ZNF688: variants seen among roughly 807,000 people sequenced by gnomAD.
The protein encoded by ZNF688 is zinc finger protein 688.
A neutral mutation model predicts 13.2 loss-of-function variants in ZNF688; 10 were observed. The observed-to-expected ratio is 0.76, with a 90% CI of 0.47 to 1.28. The LOEUF (loss-of-function observed/expected upper bound fraction) is 1.28, where lower values mean the gene tolerates loss of function less well. Among genes scored for constraint, ZNF688 ranks in the 50% most tolerant of loss-of-function variants. ZNF688 has a pLI of 0.00. For synonymous variants in ZNF688, 160 were observed against 159.4 expected, an observed-to-expected ratio of 1.00 and a Z score of -0.03; for missense variants, 381 against 391.4, an observed-to-expected ratio of 0.97 and a Z score of 0.22.
the ZNF688 span, chr16:30,579,809 CCTTCAAAAGTTTCCT>C: frequency 1.7e-4 from 76 of 456,058 alleles, no homozygotes; most frequent in African/African-American, 1.5e-3. Flanking sequence ...TTTGTTCATT[CCTTCAAAAGTTTCCT>C]CTTCAAAAGT....
chr16:30,573,662 AGTG>A (rs2051719072), upstream of ZNF688: 1 of 165,342 alleles, frequency 6.0e-6, no homozygotes, highest in Non-Finnish European at 1.3e-5. Context: ...TTTATTCAAT[AGTG>A]TTTTTTATTG....
chr16:30,571,662 G>A lies in ZNF688; in HGVS notation c.-33C>T, dbSNP rs1057012247. ...CGCAGCCCCGATCGGCGGCCGCCAG[G>A]TCCCTGGAGCCGCCGCCTCCCCGCT... On this transcript the variant is annotated 5_prime_UTR_variant, in exon 1 of 3. Transcript: ENST00000223459. The A allele has an allele frequency of 1.1e-5, 15 of 1,367,862 alleles. No homozygotes were observed. The African/African-American group carries it at 1.4e-4, about 13-fold the overall frequency. 84.7% of individuals were successfully genotyped at this position (1,367,862 alleles called of 1,614,324 possible). A position where few individuals can be genotyped will look rare whatever the true frequency, so the allele number is the denominator to read the frequency against.
upstream of ZNF688, among the ~76,000 whole-genome samples, chr16:30,576,332 C>T (rs2051747648): frequency 1.3e-5 from 2 of 152,370 alleles, no homozygotes; most frequent in South Asian, 4.1e-4. Flanking sequence ...CCGCCTCAGC[C>T]TCTGGAGTAG....
chr16:30,573,613 T>G (rs1416282708), upstream of ZNF688: 1 of 160,938 alleles, frequency 6.2e-6, no homozygotes, highest in Non-Finnish European at 1.3e-5. Flanking sequence ...ATCTACTTGC[T>G]TGGCTCCCCT....
At chr16:30,576,470 A>G (rs1421958773), upstream of ZNF688, among the ~76,000 whole-genome samples, 1 of 152,120 alleles carries the variant, frequency 6.6e-6, no homozygotes, top group East Asian at 1.9e-4. Flanking sequence ...TCGGCCTCCC[A>G]AAGTGCTGGG....
rs766999646 is a variant in ZNF688, at chr16:30,571,610, G to C, written c.20C>G (p.Pro7Arg). The change falls in exon 1 of 3, where the codon CCG (proline) becomes CGG (arginine). Residue 7 changes from proline to arginine, a missense_variant. By Grantham distance (103) the Pro-to-Arg change is moderately radical (BLOSUM62 -2). Coordinates refer to ENST00000223459, the MANE Select transcript of ZNF688 (RefSeq NM_145271.4). Reference sequence around the variant, plus strand: ...CTCCCCGGGCCTCGGCGCCAGGAGCGGGGCTGGGGGCGGCGCCATGGGGCC... The same window carrying C: ...CTCCCCGGGCCTCGGCGCCAGGAGCCGGGCTGGGGGCGGCGCCATGGGGCC... MAPPPA[P>R]LLAPRPGETR... The C allele has an allele frequency of 3.4e-6, 5 of 1,491,930 alleles. No homozygotes were observed. In the East Asian group the frequency reaches 8.0e-5, roughly 24 times the overall value. 92.4% of individuals were successfully genotyped at this position (1,491,930 alleles called of 1,614,324 possible). A position where few individuals can be genotyped will look rare whatever the true frequency, so the allele number is the denominator to read the frequency against.
At chr16:30,578,893 T>C in the ZNF688 span, 1 of 149,614 alleles carries the variant, frequency 6.7e-6, no homozygotes, top group African/African-American at 2.5e-5. Flanking sequence ...CATAGCTCAC[T>C]ATAGCCTCAA....
the ZNF688 span, chr16:30,578,338 A>ATTTC: frequency 6.6e-6 from 1 of 152,350 alleles, no homozygotes; most frequent in African/African-American, 2.4e-5. Flanking sequence ...GTCTCAAGAA[A>ATTTC]TAACAAGAAC....
At chr16:30,578,445 C>T in the ZNF688 span, 1 of 152,214 alleles carries the variant, frequency 6.6e-6, no homozygotes, top group Non-Finnish European at 1.5e-5. Flanking sequence ...AGTCACACAA[C>T]ATACAGGAGA....
chr16:30,578,406 T>G, the ZNF688 span: 7 of 152,246 alleles, frequency 4.6e-5, no homozygotes, highest in Non-Finnish European at 8.8e-5. Context: ...AAATGTTTCT[T>G]CAAGACTCTT....
At chr16:30,576,447 T>C (rs1474970502), upstream of ZNF688, among the ~76,000 whole-genome samples, 1 of 152,120 alleles carries the variant, frequency 6.6e-6, no homozygotes. Context: ...CCTGACCTCA[T>C]GATCCACCCA....
upstream of ZNF688, among the ~76,000 whole-genome samples, chr16:30,575,143 C>T (rs115996973): frequency 4.2e-3 from 632 of 152,248 alleles, 2 homozygotes; most frequent in African/African-American, 0.014. Flanking sequence ...ATTGTAAACA[C>T]GGCTCTACAG....
Position 30,569,840 on chromosome 16 carries a change from C to T in ZNF688, c.*76G>A, listed in dbSNP as rs1296441515. 1.0e-5 allele frequency: 15 copies of T among 1,474,462 alleles called. No individual in the cohort carries two copies. The highest frequency in any genetic ancestry group is 4.8e-5 in the East Asian group (2 of 41,612). 91.3% of individuals were successfully genotyped at this position (1,474,462 alleles called of 1,614,324 possible). On this transcript the variant is annotated 3_prime_UTR_variant, in exon 3 of 3. Transcript: ENST00000223459. ...GCATGAATTTCAGTTCCGGAGTCCC[C>T]GACTCAGTGGCCCACCTCAGGGATC...
intron 2 of ZNF688, chr16:30,570,669 T>C (rs908452803): frequency 1.8e-5 from 9 of 499,928 alleles, no homozygotes; most frequent in African/African-American, 1.8e-4. Flanking sequence ...GTTACTGGTT[T>C]AGCTGAGTAG....
chr16:30,572,041 T>G (rs1029371269), upstream of ZNF688: 17 of 1,415,494 alleles, frequency 1.2e-5, no homozygotes, highest in Admixed American at 1.9e-4. Context: ...CTTTTTCTAG[T>G]GGGGGAGGCG....
rs375194942 is a variant in ZNF688, at chr16:30,570,298, C to A, written c.449G>T (p.Arg150Leu). The A allele has an allele frequency of 1.5e-5, 25 of 1,613,868 alleles. No homozygotes were observed. Among genetic ancestry groups the A allele is most frequent in the Non-Finnish European group, 2.1e-5 (25 of 1,180,002 alleles). ...GGCAGCATTTTTGGGTGGCTGTGCC[C>A]GTGCCGGGGCCACGCTAATAGCTGG... The part of the protein sequence containing the change: ...PDPAISVAPA[R>L]AQPPKNAAWD... Residue 150 changes from arginine to leucine, a missense_variant, in exon 3 of 3, where the codon CGG becomes CTG. By Grantham distance (102) the Arg-to-Leu change is moderately radical (BLOSUM62 -2). Transcript: ENST00000223459.
upstream of ZNF688, chr16:30,572,180 C>T (rs1389622729): frequency 1.2e-6 from 2 of 1,607,198 alleles, no homozygotes; most frequent in African/African-American, 1.3e-5. Flanking sequence ...GAAGAAGCTG[C>T]GCGGTGATTG....
At chr16:30,573,868 TCACTG>T (rs1202333518), upstream of ZNF688, 1 of 390,894 alleles carries the variant, frequency 2.6e-6, no homozygotes, top group Non-Finnish European at 5.1e-6. Flanking sequence ...TGGAACTGCC[TCACTG>T]CACTCCATGT....
chr16:30,579,304 G>A, the ZNF688 span: 3 of 154,362 alleles, frequency 1.9e-5, no homozygotes, highest in African/African-American at 7.2e-5. Flanking sequence ...AGCCAGTGGG[G>A]ACTGAGCCAA....
Sources: allele counts gnomAD v4.1 joint callset (sites outside exome capture counted in the v4.1 genomes callset), GRCh38; gene constraint gnomAD v4.1.1; transcripts MANE v1.5; gene names NCBI Gene and HGNC (gene_info 2026-07-23, HGNC 2026-07-21).